NRXN3: variants seen among roughly 807,000 people sequenced by gnomAD.
NRXN3 encodes neurexin 3, also known as neurexin III.
NRXN3 carries 32 observed loss-of-function variants against 137.6 expected under a neutral mutation model. The ratio of observed to expected loss-of-function variants is 0.23; its 90% confidence interval spans 0.18 to 0.31. NRXN3 has a LOEUF of 0.31. Ranked by LOEUF, NRXN3 falls within the 10% of genes least tolerant of loss-of-function variation. The pLI, the probability that NRXN3 is intolerant of heterozygous loss-of-function variation, is 1.00. For missense variants in NRXN3, 1,574 were observed against 2,062.5 expected (o/e 0.76, Z 4.59); for synonymous variants, 798 against 784.5 (o/e 1.02, Z -0.29).
intron 15 of NRXN3, among the ~76,000 whole-genome samples, chr14:79,345,467 G>C (rs1226578920): frequency 6.6e-6 from 1 of 152,152 alleles, no homozygotes; most frequent in African/African-American, 2.4e-5. Context: ...ATGAGGTTTT[G>C]AGAAAAGCCA....
chr14:78,896,167 A>T (rs1209131361), intron 10 of NRXN3, among the ~76,000 whole-genome samples: 1 of 151,902 alleles, frequency 6.6e-6, no homozygotes, highest in Non-Finnish European at 1.5e-5. Context: ...GAAGCACAAA[A>T]AAACTAGGTA....
At chr14:78,727,318 T>C (rs775499547) in intron 8 of NRXN3, among the ~76,000 whole-genome samples, 26 of 152,226 alleles carry the variant, frequency 1.7e-4, no homozygotes, top group Non-Finnish European at 3.4e-4. Context: ...GCATGTATTG[T>C]TAATGCAGTA....
At chr14:78,974,982 T>C (rs890161344) in intron 14 of NRXN3, among the ~76,000 whole-genome samples, 28 of 152,156 alleles carry the variant, frequency 1.8e-4, no homozygotes, top group African/African-American at 5.5e-4. Flanking sequence ...AGTCCTCTTG[T>C]TATTGTGTGG....
At chr14:79,753,769 G>A (rs2099007739) in intron 19 of NRXN3, among the ~76,000 whole-genome samples, 1 of 151,818 alleles carries the variant, frequency 6.6e-6, no homozygotes, top group Non-Finnish European at 1.5e-5. Context: ...GCCTAAGCCT[G>A]CCCACCTGTC....
intron 17 of NRXN3, among the ~76,000 whole-genome samples, chr14:79,667,854 C>A (rs1020894100): frequency 6.6e-6 from 1 of 151,980 alleles, no homozygotes. Flanking sequence ...CAGCTCTAGG[C>A]CCCCTGGAAG....
intron 10 of NRXN3, among the ~76,000 whole-genome samples, chr14:78,884,934 C>T (rs1322832233): frequency 1.3e-5 from 2 of 150,810 alleles, no homozygotes; most frequent in African/African-American, 2.4e-5. Context: ...TGTATTAAAG[C>T]GTACCTGACA....
rs147182300 is a variant in NRXN3, at chr14:78,984,673, A to T, written c.3143-3349A>T. Among the ~76,000 whole-genome samples, 386 of 152,314 alleles carry T rather than the reference A, an allele frequency of 2.5e-3. 1 individual carries two copies. The highest frequency in any genetic ancestry group is 8.9e-3 in the African/African-American group (368 of 41,568). The stretch of plus-strand genomic sequence containing the variant: ...ACCTGGAGGGCTTGTTACAACTCAG[A>T]TTCCTCAATTCTGCCCCCAGTCAGT... On this transcript the variant is annotated intron_variant, in intron 14 of 20. Coordinates refer to ENST00000335750, the MANE Select transcript of NRXN3 (RefSeq NM_001330195.2).
chr14:78,968,828 G>A (rs577746276), intron 14 of NRXN3, among the ~76,000 whole-genome samples: 2 of 152,200 alleles, frequency 1.3e-5, no homozygotes, highest in Non-Finnish European at 2.9e-5. Flanking sequence ...ATGTCCAAAT[G>A]CCATGATGAT....
chr14:78,790,668 T>C (rs922709367), intron 8 of NRXN3, among the ~76,000 whole-genome samples: 1 of 152,168 alleles, frequency 6.6e-6, no homozygotes, highest in African/African-American at 2.4e-5. Flanking sequence ...AGTTGCTGCA[T>C]GAATGAGCAG....
At chr14:78,344,027 C>T (rs1000333075) in intron 4 of NRXN3, among the ~76,000 whole-genome samples, 7 of 152,182 alleles carry the variant, frequency 4.6e-5, no homozygotes, top group Non-Finnish European at 8.8e-5. Flanking sequence ...GCAACGTCTG[C>T]AGTGGGTGGC....
At chr14:78,641,244 G>A (rs961386951) in intron 4 of NRXN3, among the ~76,000 whole-genome samples, 26 of 149,882 alleles carry the variant, frequency 1.7e-4, no homozygotes, top group African/African-American at 5.8e-4. Flanking sequence ...TTGAGTCTCA[G>A]CTACTGGAAG....
chr14:79,693,202 A>G (rs1323844416), intron 18 of NRXN3, among the ~76,000 whole-genome samples: 1 of 151,990 alleles, frequency 6.6e-6, no homozygotes, highest in Non-Finnish European at 1.5e-5. Flanking sequence ...GAGCCAGTGT[A>G]AGCTACTCTT....
chr14:78,258,860 C>T (rs772782582), intron 2 of NRXN3, among the ~76,000 whole-genome samples: 6 of 152,108 alleles, frequency 3.9e-5, no homozygotes, highest in Non-Finnish European at 7.4e-5. Context: ...TGGCCGGGCG[C>T]GGTGGCTCAC....
intron 15 of NRXN3, among the ~76,000 whole-genome samples, chr14:79,407,354 A>T (rs1217191475): frequency 6.6e-6 from 1 of 152,084 alleles, no homozygotes; most frequent in Non-Finnish European, 1.5e-5. Context: ...CTCCCTTATA[A>T]AAAAAGGGAT....
intron 10 of NRXN3, among the ~76,000 whole-genome samples, chr14:78,827,723 G>A (rs1467572355): frequency 6.6e-6 from 1 of 152,218 alleles, no homozygotes; most frequent in Non-Finnish European, 1.5e-5. Context: ...GGGCACTGCA[G>A]TGGGAGCTGA....
intron 15 of NRXN3, among the ~76,000 whole-genome samples, chr14:79,392,654 C>A (rs1208604460): frequency 6.6e-6 from 1 of 152,044 alleles, no homozygotes; most frequent in Admixed American, 6.6e-5. Context: ...CCATCTCATG[C>A]CAGTTAGGAT....
intron 19 of NRXN3, among the ~76,000 whole-genome samples, chr14:79,735,458 A>T (rs2098938672): frequency 6.6e-6 from 1 of 152,220 alleles, no homozygotes; most frequent in African/African-American, 2.4e-5. Context: ...CCCGGGGTTG[A>T]CATTAGCTTG....
rs147568270 is a variant in NRXN3 at position 79,504,038 on chromosome 14, C to T, written c.3444+36636C>T. ...TCATCTCAGTTTTGGAGTTCCACAA[C>T]AGTGTCCTGGTGGATCTATCTTCTA... On this transcript the variant is annotated intron_variant, in intron 16 of 20. Transcript: ENST00000335750. 2.1e-3 allele frequency among the ~76,000 whole-genome samples: 326 copies of T among 152,292 alleles called. 1 individual carries two copies. Among genetic ancestry groups the T allele is most frequent in the Non-Finnish European group, 3.1e-3 (212 of 68,030 alleles).
intron 15 of NRXN3, among the ~76,000 whole-genome samples, chr14:79,134,802 C>T (rs1268221031): frequency 4.6e-5 from 7 of 152,156 alleles, no homozygotes; most frequent in Admixed American, 1.3e-4. Flanking sequence ...ATTAGCAGAA[C>T]GAAGAACAAA....
Sources: gnomAD v4.1 joint callset for allele counts (sites outside exome capture counted in the v4.1 genomes callset) on GRCh38, gnomAD v4.1.1 for gene constraint, MANE v1.5 for transcripts, NCBI Gene and HGNC (gene_info 2026-07-23, HGNC 2026-07-21) for gene names.